The following SPACA7 variants were observed in gnomAD, a reference collection of about 807,000 sequenced individuals.
The protein encoded by SPACA7 is sperm acrosome-associated protein 7.
In SPACA7, 19 loss-of-function variants were observed where a neutral mutation model predicts 26.3. That is an observed-to-expected ratio of 0.72 (90% confidence interval 0.50 to 1.06). The LOEUF (loss-of-function observed/expected upper bound fraction) is 1.06. Among genes scored for constraint, SPACA7 ranks in the 50% least tolerant of loss-of-function variants. The probability of loss-of-function intolerance (pLI) is 0.00; values close to 1 mark genes in which losing one functional copy is unlikely to be tolerated. For missense variants in SPACA7, 211 were observed against 229.9 expected (o/e 0.92, Z 0.53); for synonymous variants, 84 against 84.5 (o/e 0.99, Z 0.04).
chr13:112,392,926 G>C, intron 1 of SPACA7, 95 bp from the exon 2 acceptor site: 6 of 1,004,958 alleles, frequency 6.0e-6, no homozygotes, highest in Non-Finnish European at 8.9e-6. Flanking sequence ...TCTAGAGGGG[G>C]CTGGTGGGCA....
At chr13:112,425,432 G>C (rs563892319) in intron 5 of SPACA7, among the ~76,000 whole-genome samples, 1 of 152,220 alleles carries the variant, frequency 6.6e-6, no homozygotes, top group African/African-American at 2.4e-5. Flanking sequence ...CCCTCAGCTC[G>C]GCCCGGCCGC....
chr13:112,405,146 C>A (rs1420855451), intron 5 of SPACA7, among the ~76,000 whole-genome samples: 1 of 151,940 alleles, frequency 6.6e-6, no homozygotes, highest in Non-Finnish European at 1.5e-5. Context: ...ACATGCCCAG[C>A]TAATTTTTTG....
intron 5 of SPACA7, among the ~76,000 whole-genome samples, chr13:112,414,711 CT>C (rs1408049833): frequency 1.3e-5 from 2 of 152,064 alleles, no homozygotes; most frequent in Non-Finnish European, 2.9e-5. Flanking sequence ...CGTGCCCAAC[CT>C]TTTCTGTGTC....
intron 2 of SPACA7, among the ~76,000 whole-genome samples, chr13:112,396,898 TC>T (rs1234877248): frequency 6.6e-6 from 1 of 152,114 alleles, no homozygotes; most frequent in Non-Finnish European, 1.5e-5. Flanking sequence ...CCTCGTCCAC[TC>T]CCAGGGCAGG....
intron 1 of SPACA7, among the ~76,000 whole-genome samples, chr13:112,383,099 A>AC (rs1491331672): frequency 0.024 from 530 of 21,678 alleles, 2 homozygotes; most frequent in African/African-American, 0.051. Flanking sequence ...AGAAAGAAAG[A>AC]AGAAAGAAAA....
At chr13:112,413,057 A>AT (rs996707927) in intron 5 of SPACA7, among the ~76,000 whole-genome samples, 1 of 152,040 alleles carries the variant, frequency 6.6e-6, no homozygotes, top group Non-Finnish European at 1.5e-5. Flanking sequence ...TAAAATTATT[A>AT]TTTTTTAATA....
At chr13:112,380,070 A>G (rs1373170313) in intron 1 of SPACA7, among the ~76,000 whole-genome samples, 2 of 152,228 alleles carry the variant, frequency 1.3e-5, no homozygotes, top group Non-Finnish European at 2.9e-5. Flanking sequence ...TTTGTTTCCT[A>G]GTAAGACTAC....
chr13:112,434,642 A>T lies in SPACA7; in HGVS notation c.*93A>T. On this transcript the variant is annotated 3_prime_UTR_variant, in exon 7 of 7. Transcript: ENST00000283550. ...ACAGGGCACTTGTGTGCACACGCCC[A>T]CGTTCTCTGAACCATTCCACATAAA... The T allele has an allele frequency of 1.0e-6, 1 of 1,002,912 alleles. No individual in the cohort carries two copies. The highest frequency in any genetic ancestry group is 1.5e-6 in the Non-Finnish European group (1 of 653,502). The allele number at this position is 1,002,912 out of a possible 1,614,324, so 62.1% of individuals were successfully genotyped here. A position where few individuals can be genotyped will look rare whatever the true frequency, so the allele number is the denominator to read the frequency against.
intron 5 of SPACA7, among the ~76,000 whole-genome samples, chr13:112,402,233 C>T (rs910612795): frequency 2.6e-5 from 4 of 152,154 alleles, no homozygotes; most frequent in African/African-American, 9.7e-5. Flanking sequence ...ATTTTTAAGT[C>T]TTCCTTGTAT....
chr13:112,412,036 C>A (rs1253892982), intron 5 of SPACA7, among the ~76,000 whole-genome samples: 3 of 152,094 alleles, frequency 2.0e-5, no homozygotes, highest in Non-Finnish European at 4.4e-5. Flanking sequence ...ATACTGTTTT[C>A]CATAGTGGCT....
chr13:112,411,827 C>T (rs1047173512), intron 5 of SPACA7, among the ~76,000 whole-genome samples: 3 of 152,074 alleles, frequency 2.0e-5, no homozygotes, highest in African/African-American at 7.2e-5. Flanking sequence ...GCCATATTTT[C>T]TTTATTCGTT....
chr13:112,405,079 T>C (rs1477980513), intron 5 of SPACA7, among the ~76,000 whole-genome samples: 1 of 149,546 alleles, frequency 6.7e-6, no homozygotes, highest in Non-Finnish European at 1.5e-5. Flanking sequence ...GCCTCCCGGG[T>C]TCACGCCATT....
At position 112,385,788 on chromosome 13, in the gene SPACA7, A is replaced by G. The variant is rs375549719; in HGVS notation, c.95-7233A>G. On this transcript the variant is annotated intron_variant, in intron 1 of 6. Coordinates refer to ENST00000283550, the MANE Select transcript of SPACA7 (RefSeq NM_145248.5). Reference sequence around the variant, plus strand: ...AAAGTTTCTACTTTTCTGACAAAACATTTGATTTAAGTGCTTATTTTTTAA... The same window carrying G: ...AAAGTTTCTACTTTTCTGACAAAACGTTTGATTTAAGTGCTTATTTTTTAA... 3.3e-5 allele frequency among the ~76,000 whole-genome samples: 5 copies of G among 152,316 alleles called. No homozygotes were observed. The East Asian group carries it at 5.8e-4, about 18-fold the overall frequency.
At chr13:112,383,903 C>T (rs541529782) in intron 1 of SPACA7, among the ~76,000 whole-genome samples, 1 of 152,324 alleles carries the variant, frequency 6.6e-6, no homozygotes, top group Admixed American at 6.5e-5. Context: ...ACTATACTGC[C>T]ATAAATTGAG....
intron 2 of SPACA7, among the ~76,000 whole-genome samples, chr13:112,395,201 C>A (rs554083810): frequency 1.3e-5 from 2 of 152,298 alleles, no homozygotes; most frequent in South Asian, 2.1e-4. Flanking sequence ...GCTGGGTGTG[C>A]TGGGGATGGC....
At chr13:112,424,780 G>A (rs78673052) in intron 5 of SPACA7, among the ~76,000 whole-genome samples, 2,275 of 152,182 alleles carry the variant, frequency 0.015, 24 homozygotes, top group Non-Finnish European at 0.017. Flanking sequence ...AGGCAGGGCC[G>A]GTGGCATGGT....
intron 5 of SPACA7, among the ~76,000 whole-genome samples, chr13:112,426,838 G>C (rs551920734): frequency 3.4e-4 from 52 of 152,180 alleles, no homozygotes; most frequent in African/African-American, 1.2e-3. Context: ...CCTGGGAATC[G>C]TTTGTTCTTC....
chr13:112,388,621 C>A (rs1884683115), intron 1 of SPACA7, among the ~76,000 whole-genome samples: 1 of 152,184 alleles, frequency 6.6e-6, no homozygotes, highest in African/African-American at 2.4e-5. Context: ...TGTACAAGCC[C>A]CCAAATTTGT....
chr13:112,434,382 G>C, intron 6 of SPACA7, 103 bp from the exon 7 acceptor site: 1 of 951,942 alleles, frequency 1.1e-6, no homozygotes, highest in Non-Finnish European at 1.6e-6. Context: ...CCACAACTGA[G>C]GGCTTGGTTC....
Sources: allele counts gnomAD v4.1 joint callset (sites outside exome capture counted in the v4.1 genomes callset), GRCh38; gene constraint gnomAD v4.1.1; transcripts MANE v1.5; gene names NCBI Gene and HGNC (gene_info 2026-07-23, HGNC 2026-07-21).